Variants in AGMO observed in about 807,000 individuals in gnomAD.
AGMO encodes glyceryl-ether monooxygenase.
AGMO carries 75 observed loss-of-function variants against 60.2 expected under a neutral mutation model. The observed-to-expected ratio is 1.25, with a 90% CI of 1.03 to 1.51. AGMO has a LOEUF of 1.51. Ranked by LOEUF, AGMO falls within the 40% of genes most tolerant of loss-of-function variation. The pLI is 0.00. For synonymous variants in AGMO, 261 were observed against 177.1 expected (o/e 1.47, Z -3.76); for missense variants, 763 against 525.5 (o/e 1.45, Z -4.42).
intron 5 of AGMO, among the ~76,000 whole-genome samples, chr7:15,397,243 G>T (rs1323179000): frequency 1.3e-5 from 2 of 152,090 alleles, no homozygotes; most frequent in Non-Finnish European, 2.9e-5. Context: ...ACGGCGGTCC[G>T]CGCATGGTAC....
chr7:15,254,401 CTT>C (rs555662732), intron 12 of AGMO, among the ~76,000 whole-genome samples: 6 of 152,044 alleles, frequency 3.9e-5, no homozygotes, highest in Non-Finnish European at 7.4e-5. Flanking sequence ...AGCATCATTA[CTT>C]TTTTTGTTAT....
At chr7:15,219,579 G>C (rs1179818015) in intron 12 of AGMO, among the ~76,000 whole-genome samples, 1 of 152,126 alleles carries the variant, frequency 6.6e-6, no homozygotes, top group Non-Finnish European at 1.5e-5. Flanking sequence ...GATAAGGCTT[G>C]TGTAAGACAA....
intron 5 of AGMO, among the ~76,000 whole-genome samples, chr7:15,404,612 A>G (rs1184761467): frequency 6.6e-6 from 1 of 151,848 alleles, no homozygotes; most frequent in South Asian, 2.1e-4. Context: ...ATGAGTAATA[A>G]TAACATTATT....
At chr7:15,517,361 C>A (rs1159445765) in intron 3 of AGMO, among the ~76,000 whole-genome samples, 3 of 150,026 alleles carry the variant, frequency 2.0e-5, no homozygotes, top group African/African-American at 4.9e-5. Flanking sequence ...ATTAAGGCAC[C>A]CAGATTCCCG....
At chr7:15,332,374 G>A (rs1781525276) in intron 12 of AGMO, among the ~76,000 whole-genome samples, 1 of 152,116 alleles carries the variant, frequency 6.6e-6, no homozygotes, top group African/African-American at 2.4e-5. Context: ...ACGTAACATG[G>A]AGACTAAAGG....
At chr7:15,415,517 T>A (rs1780740219) in intron 5 of AGMO, among the ~76,000 whole-genome samples, 1 of 151,884 alleles carries the variant, frequency 6.6e-6, no homozygotes. Context: ...TACTCCAGCC[T>A]GGCAACAGAG....
At chr7:15,127,633 C>A in the AGMO span, among the ~76,000 whole-genome samples, 2 of 152,024 alleles carry the variant, frequency 1.3e-5, no homozygotes, top group Non-Finnish European at 2.9e-5. Context: ...TAACAAAATT[C>A]ATAGATTAAA....
intron 3 of AGMO, among the ~76,000 whole-genome samples, chr7:15,541,171 G>A (rs1784620785): frequency 6.6e-6 from 1 of 152,104 alleles, no homozygotes; most frequent in Non-Finnish European, 1.5e-5. Flanking sequence ...ACCCCAGGCT[G>A]GAGTGCAGTG....
rs138438179 is a variant in AGMO at position 15,313,845 on chromosome 7, C to A, written c.1263+51669G>T. Among the ~76,000 whole-genome samples, 26 of 151,948 alleles carry A rather than the reference C, an allele frequency of 1.7e-4. No homozygotes were observed. In the South Asian group the frequency reaches 2.7e-3, roughly 16 times the overall value. ...AACATAGTACAATTATAGCAATGTT[C>A]TGTAATAAAAGTTATGCAGATGGGG... On this transcript the variant is annotated intron_variant, in intron 12 of 12. Transcript: ENST00000342526.
chr7:15,225,835 T>G (rs73056447), intron 12 of AGMO, among the ~76,000 whole-genome samples: 37 of 152,072 alleles, frequency 2.4e-4, no homozygotes, highest in African/African-American at 8.2e-4. Flanking sequence ...AGTTGATTAA[T>G]CTGATAGATT....
chr7:15,283,902 A>C, intron 12 of AGMO, among the ~76,000 whole-genome samples: 1 of 152,108 alleles, frequency 6.6e-6, no homozygotes, highest in Non-Finnish European at 1.5e-5. Flanking sequence ...ACAGTGGAAT[A>C]AAACTAGAAA....
the AGMO span, among the ~76,000 whole-genome samples, chr7:15,127,848 T>C: frequency 4.3e-4 from 66 of 152,228 alleles, no homozygotes; most frequent in East Asian, 0.012. Context: ...GGAAATGTAG[T>C]AAAAATAGCT....
At chr7:15,170,121 A>T in the AGMO span, among the ~76,000 whole-genome samples, 1 of 152,210 alleles carries the variant, frequency 6.6e-6, no homozygotes, top group Non-Finnish European at 1.5e-5. Context: ...CATGTAATTA[A>T]TGCTGACATC....
chr7:15,261,441 G>A (rs925263703), intron 12 of AGMO, among the ~76,000 whole-genome samples: 3 of 151,830 alleles, frequency 2.0e-5, no homozygotes, highest in African/African-American at 7.3e-5. Context: ...AACCCTCCTA[G>A]AATAAACCAG....
intron 3 of AGMO, among the ~76,000 whole-genome samples, chr7:15,484,048 A>G (rs1408501335): frequency 6.6e-6 from 1 of 152,170 alleles, no homozygotes; most frequent in Non-Finnish European, 1.5e-5. Context: ...TAATCCCTGC[A>G]GTAGAATTTC....
chr7:15,363,518 A>G (rs189774000), intron 12 of AGMO, among the ~76,000 whole-genome samples: 2 of 152,322 alleles, frequency 1.3e-5, no homozygotes, highest in East Asian at 3.9e-4. Flanking sequence ...AGTAATTGCC[A>G]AAGAACACAT....
chr7:15,135,929 A>T, the AGMO span, among the ~76,000 whole-genome samples: 5 of 150,422 alleles, frequency 3.3e-5, no homozygotes, highest in South Asian at 4.2e-4. Flanking sequence ...TTAGTCATGT[A>T]ATGAAACAAC....
intron 12 of AGMO, among the ~76,000 whole-genome samples, chr7:15,254,440 G>C (rs1193871914): frequency 6.6e-6 from 1 of 152,112 alleles, no homozygotes. Flanking sequence ...TAACTGAGGT[G>C]AGGTGATATC....
chr7:15,181,828 G>A, the AGMO span, among the ~76,000 whole-genome samples: 6 of 152,104 alleles, frequency 3.9e-5, no homozygotes, highest in Admixed American at 1.3e-4. Flanking sequence ...GGGTGACATA[G>A]AACTCAGGGA....
Sources: gnomAD v4.1 joint callset for allele counts (sites outside exome capture counted in the v4.1 genomes callset) on GRCh38, gnomAD v4.1.1 for gene constraint, MANE v1.5 for transcripts, NCBI Gene and HGNC (gene_info 2026-07-23, HGNC 2026-07-21) for gene names.